Variants in LUZP2 observed in about 807,000 individuals in gnomAD.
LUZP2 encodes leucine zipper protein 2.
LUZP2 carries 52 observed loss-of-function variants against 51.6 expected under a neutral mutation model. That is an observed-to-expected ratio of 1.01 (90% CI 0.81 to 1.27). The LOEUF is 1.27. Ranked by LOEUF, LUZP2 falls within the 50% of genes most tolerant of loss-of-function variation. LUZP2 has a pLI of 0.00. For synonymous variants in LUZP2, 154 were observed against 137.3 expected (o/e 1.12, Z -0.85); for missense variants, 436 against 395.4 (o/e 1.10, Z -0.87).
intron 1 of LUZP2, among the ~76,000 whole-genome samples, chr11:24,693,336 T>C (rs2133893171): frequency 6.6e-6 from 1 of 151,620 alleles, no homozygotes; most frequent in Admixed American, 6.6e-5. Flanking sequence ...AGCTGATCTT[T>C]TTCACAGGAC....
chr11:24,994,260 T>C (rs1241702009), intron 9 of LUZP2, among the ~76,000 whole-genome samples: 1 of 151,678 alleles, frequency 6.6e-6, no homozygotes, highest in African/African-American at 2.4e-5. Flanking sequence ...ATTCAGAGAC[T>C]TAATTTTAAC....
intron 1 of LUZP2, among the ~76,000 whole-genome samples, chr11:24,715,164 G>GA (rs113212913): frequency 0.37 from 55,535 of 151,172 alleles, 10,556 homozygotes; most frequent in Non-Finnish European, 0.41. Flanking sequence ...GTAAATGTTT[G>GA]AAAAAAAGAC....
intron 1 of LUZP2, among the ~76,000 whole-genome samples, chr11:24,711,259 C>G: frequency 7.1e-6 from 1 of 141,062 alleles, no homozygotes; most frequent in East Asian, 3.0e-4. Context: ...ACCATCCTGG[C>G]TAACACGGTG....
At chr11:25,001,472 T>C (rs1194057974) in intron 9 of LUZP2, among the ~76,000 whole-genome samples, 4 of 152,168 alleles carry the variant, frequency 2.6e-5, no homozygotes, top group Non-Finnish European at 1.5e-5. Context: ...AGATCCCCTG[T>C]TAGGAAACCT....
chr11:24,713,419 G>T (rs1296871111), intron 1 of LUZP2, among the ~76,000 whole-genome samples: 1 of 152,012 alleles, frequency 6.6e-6, no homozygotes, highest in Non-Finnish European at 1.5e-5. Context: ...TTGTCAACTG[G>T]GGGGAGAACA....
At chr11:24,632,808 A>G (rs749048409) in intron 1 of LUZP2, among the ~76,000 whole-genome samples, 7 of 152,066 alleles carry the variant, frequency 4.6e-5, no homozygotes, top group Non-Finnish European at 8.8e-5. Flanking sequence ...CAAGCTGATG[A>G]GATAGCCTGA....
At chr11:24,819,747 A>G (rs925723538) in intron 5 of LUZP2, among the ~76,000 whole-genome samples, 7 of 147,226 alleles carry the variant, frequency 4.8e-5, no homozygotes, top group Non-Finnish European at 9.0e-5. Context: ...TTTTCTCACA[A>G]TAACTTATAA....
chr11:24,628,212 TAC>T (rs34309953), intron 1 of LUZP2, among the ~76,000 whole-genome samples: 104 of 150,010 alleles, frequency 6.9e-4, no homozygotes, highest in East Asian at 6.7e-3. Context: ...CACCCATGCA[TAC>T]ACACACACAC....
intron 5 of LUZP2, among the ~76,000 whole-genome samples, chr11:24,897,649 C>T (rs531701306): frequency 6.6e-6 from 1 of 152,286 alleles, no homozygotes; most frequent in African/African-American, 2.4e-5. Context: ...TCTGGACACA[C>T]ATATTTAAGA....
intron 9 of LUZP2, among the ~76,000 whole-genome samples, chr11:25,030,422 T>C (rs1388935740): frequency 6.6e-6 from 1 of 152,128 alleles, no homozygotes; most frequent in Non-Finnish European, 1.5e-5. Flanking sequence ...TCTACAAACA[T>C]AGCCTAGAAT....
intron 9 of LUZP2, among the ~76,000 whole-genome samples, chr11:24,992,976 A>G (rs1271512918): frequency 6.6e-6 from 1 of 152,168 alleles, no homozygotes. Flanking sequence ...GATTCAAAAT[A>G]TACAATTACT....
At chr11:24,716,934 G>GA (rs1858068852) in intron 1 of LUZP2, among the ~76,000 whole-genome samples, 1 of 151,802 alleles carries the variant, frequency 6.6e-6, no homozygotes, top group Non-Finnish European at 1.5e-5. Flanking sequence ...ATGATTACTA[G>GA]AAAAAATGAA....
intron 5 of LUZP2, among the ~76,000 whole-genome samples, chr11:24,782,555 A>G (rs1215749115): frequency 6.6e-6 from 1 of 151,998 alleles, no homozygotes; most frequent in Admixed American, 6.6e-5. Context: ...CTCTTAACAC[A>G]TAAGCTCCTG....
chr11:24,682,830 C>G (rs563727826), intron 1 of LUZP2, among the ~76,000 whole-genome samples: 1 of 151,666 alleles, frequency 6.6e-6, no homozygotes, highest in African/African-American at 2.4e-5. Flanking sequence ...ATGGTGAAAC[C>G]CCATCTCTAC....
chr11:24,907,478 T>G (rs545305973), intron 6 of LUZP2, among the ~76,000 whole-genome samples: 1 of 152,120 alleles, frequency 6.6e-6, no homozygotes, highest in African/African-American at 2.4e-5. Flanking sequence ...AGATCTGATC[T>G]AGTGTAGCAT....
At chr11:24,856,010 G>T (rs542910721) in intron 5 of LUZP2, among the ~76,000 whole-genome samples, 40 of 152,118 alleles carry the variant, frequency 2.6e-4, no homozygotes, top group African/African-American at 8.9e-4. Flanking sequence ...TCCTAGGAAA[G>T]AAATCCAGGA....
At chr11:24,535,482 C>G (rs1343267786) in intron 1 of LUZP2, among the ~76,000 whole-genome samples, 1 of 151,596 alleles carries the variant, frequency 6.6e-6, no homozygotes, top group Non-Finnish European at 1.5e-5. Flanking sequence ...GCCATCATCT[C>G]AGCAGTATTC....
At chr11:24,891,500 T>G (rs1023454234) in intron 5 of LUZP2, 51 of 959,242 alleles carry the variant, frequency 5.3e-5, no homozygotes, top group Non-Finnish European at 6.3e-5. Context: ...ATTATTATAC[T>G]TTATGCGAAA....
At chr11:25,052,400 A>G (rs1213557343) in intron 10 of LUZP2, among the ~76,000 whole-genome samples, 1 of 152,192 alleles carries the variant, frequency 6.6e-6, no homozygotes, top group Admixed American at 6.5e-5. Flanking sequence ...GCACCTCAGT[A>G]GGTAAGGTCT....
Sources: allele counts gnomAD v4.1 joint callset (sites outside exome capture counted in the v4.1 genomes callset), GRCh38; gene constraint gnomAD v4.1.1; transcripts MANE v1.5; gene names NCBI Gene and HGNC (gene_info 2026-07-23, HGNC 2026-07-21).